CPNE4: variants seen among roughly 807,000 people sequenced by gnomAD.
The protein encoded by CPNE4 is copine-4.
CPNE4 carries 25 observed loss-of-function variants against 67.9 expected under a neutral mutation model. The ratio of observed to expected loss-of-function variants is 0.37; its 90% CI spans 0.27 to 0.51. CPNE4 has a LOEUF of 0.51. Ranked by LOEUF, CPNE4 falls within the 20% of genes least tolerant of loss-of-function variation. CPNE4 has a pLI of 0.93. For synonymous variants in CPNE4, 242 were observed against 244.9 expected (o/e 0.99, Z 0.11); for missense variants, 464 against 690.8 (o/e 0.67, Z 3.68).
At chr3:131,771,564 C>T (rs550457578) in intron 2 of CPNE4, among the ~76,000 whole-genome samples, 1 of 152,114 alleles carries the variant, frequency 6.6e-6, no homozygotes, top group African/African-American at 2.4e-5. Flanking sequence ...TTTGCACACA[C>T]CCAGTCCCCT....
At chr3:132,031,709 G>A (rs1439189855) in intron 1 of CPNE4, among the ~76,000 whole-genome samples, 1 of 152,188 alleles carries the variant, frequency 6.6e-6, no homozygotes, top group East Asian at 1.9e-4. Flanking sequence ...TCGAAGTGAA[G>A]TCAGAAGAAG....
chr3:131,826,035 C>T (rs546653553), intron 2 of CPNE4, among the ~76,000 whole-genome samples: 47 of 152,300 alleles, frequency 3.1e-4, no homozygotes, highest in Admixed American at 3.1e-3. Context: ...GTCACTTGCT[C>T]TTTAAGCTAA....
intron 7 of CPNE4, among the ~76,000 whole-genome samples, chr3:131,626,443 T>TA (rs1207778375): frequency 6.6e-6 from 1 of 152,132 alleles, no homozygotes; most frequent in Non-Finnish European, 1.5e-5. Flanking sequence ...GTGGTTCGGA[T>TA]AAAAAATCAA....
At chr3:132,008,394 C>G (rs565624679) in intron 1 of CPNE4, among the ~76,000 whole-genome samples, 1 of 152,170 alleles carries the variant, frequency 6.6e-6, no homozygotes, top group Non-Finnish European at 1.5e-5. Context: ...TTTGCAACTT[C>G]TAATACATTA....
At chr3:131,801,623 C>T (rs952222536) in intron 2 of CPNE4, among the ~76,000 whole-genome samples, 1 of 149,772 alleles carries the variant, frequency 6.7e-6, no homozygotes. Context: ...AAAGAGAAAT[C>T]GGGCAGGTTG....
intron 14 of CPNE4, among the ~76,000 whole-genome samples, chr3:131,548,211 G>A (rs1425238032): frequency 1.3e-5 from 2 of 152,064 alleles, no homozygotes; most frequent in East Asian, 3.9e-4. Context: ...ATACACACCA[G>A]TTTTACAAAA....
intron 6 of CPNE4, among the ~76,000 whole-genome samples, chr3:131,677,576 G>C (rs907795947): frequency 1.3e-5 from 2 of 151,952 alleles, no homozygotes; most frequent in Admixed American, 1.3e-4. Context: ...TTTTACATTT[G>C]AGTCTTTAAT....
At chr3:131,915,974 G>A (rs1177188165) in intron 1 of CPNE4, among the ~76,000 whole-genome samples, 1 of 152,164 alleles carries the variant, frequency 6.6e-6, no homozygotes, top group Non-Finnish European at 1.5e-5. Context: ...TAATGTATAA[G>A]TGTAACCGAA....
chr3:131,740,475 A>G (rs1050924266), intron 2 of CPNE4, among the ~76,000 whole-genome samples: 8 of 152,272 alleles, frequency 5.3e-5, no homozygotes, highest in African/African-American at 1.9e-4. Context: ...CGAAAACCTT[A>G]GGGTCATACC....
chr3:131,860,703 AG>A (rs144682021), intron 2 of CPNE4, among the ~76,000 whole-genome samples: 7,849 of 152,288 alleles, frequency 0.052, 385 homozygotes, highest in African/African-American at 0.13. Context: ...ATCTGGAAAT[AG>A]GGGTTATATT....
At chr3:131,759,387 T>C (rs1281929705) in intron 2 of CPNE4, among the ~76,000 whole-genome samples, 2 of 152,188 alleles carry the variant, frequency 1.3e-5, no homozygotes, top group Admixed American at 6.5e-5. Flanking sequence ...TTTGAGTTCT[T>C]GCCATCTTCT....
At chr3:131,614,648 T>C (rs1940038048) in intron 7 of CPNE4, among the ~76,000 whole-genome samples, 3 of 152,162 alleles carry the variant, frequency 2.0e-5, no homozygotes, top group Non-Finnish European at 4.4e-5. Flanking sequence ...AAATTCTATG[T>C]AGGAAACTGA....
Position 131,635,852 on chromosome 3 carries a change from C to T in CPNE4, c.681+33823G>A, listed in dbSNP as rs1195507000. ...CTGCAGGCACTTTGGGAGGCCGAGG[C>T]GGGCGGATCACGAGGTCAGGAGATC... On this transcript the variant is annotated intron_variant, in intron 7 of 15. Coordinates refer to ENST00000429747, the MANE Select transcript of CPNE4 (RefSeq NM_130808.3). Among the ~76,000 whole-genome samples, 3 of 83,810 alleles carry T rather than the reference C, an allele frequency of 3.6e-5. No individual in the cohort carries two copies. In the East Asian group the frequency reaches 9.6e-4, roughly 27 times the overall value. The allele number at this position is 83,810 out of a possible 152,430, so 55.0% of individuals were successfully genotyped here. A position where few individuals can be genotyped will look rare whatever the true frequency, so the allele number is the denominator to read the frequency against.
chr3:132,036,284 G>A (rs2074336346), upstream of CPNE4, among the ~76,000 whole-genome samples: 1 of 152,144 alleles, frequency 6.6e-6, no homozygotes, highest in Non-Finnish European at 1.5e-5. Flanking sequence ...ACATGGCTAT[G>A]CATAAGTCAA....
intron 2 of CPNE4, among the ~76,000 whole-genome samples, chr3:131,902,320 T>C: frequency 6.6e-6 from 1 of 152,092 alleles, no homozygotes; most frequent in Admixed American, 6.6e-5. Flanking sequence ...CTGTGTGCTA[T>C]AGTTTAATAG....
intron 2 of CPNE4, among the ~76,000 whole-genome samples, chr3:131,744,319 T>C (rs2082433770): frequency 6.6e-6 from 1 of 152,184 alleles, no homozygotes; most frequent in African/African-American, 2.4e-5. Flanking sequence ...ACTATCTACT[T>C]ATAACAGTGA....
chr3:131,578,647 C>T (rs1274008033), intron 9 of CPNE4, among the ~76,000 whole-genome samples: 1 of 152,090 alleles, frequency 6.6e-6, no homozygotes, highest in Non-Finnish European at 1.5e-5. Context: ...GAAATTAAAA[C>T]AGTGAATATA....
chr3:132,014,892 T>C (rs2073855397), intron 1 of CPNE4, among the ~76,000 whole-genome samples: 1 of 152,218 alleles, frequency 6.6e-6, no homozygotes, highest in African/African-American at 2.4e-5. Context: ...TATTTTAAAA[T>C]GGATCCTATT....
chr3:131,938,271 C>T (rs1359803681), intron 1 of CPNE4, among the ~76,000 whole-genome samples: 2 of 151,770 alleles, frequency 1.3e-5, no homozygotes, highest in Non-Finnish European at 2.9e-5. Context: ...ATCGGAGGAT[C>T]ACTTGAGCCT....
Sources: allele counts gnomAD v4.1 joint callset (sites outside exome capture counted in the v4.1 genomes callset), GRCh38; gene constraint gnomAD v4.1.1; transcripts MANE v1.5; gene names NCBI Gene and HGNC (gene_info 2026-07-23, HGNC 2026-07-21).